ZNF608: variants seen among roughly 807,000 people sequenced by gnomAD.
ZNF608 encodes the protein renal carcinoma antigen NY-REN-36.
In ZNF608, 12 loss-of-function variants were observed where a neutral mutation model predicts 109.0. That is an observed-to-expected ratio of 0.11 (90% CI 0.07 to 0.18). The LOEUF is 0.18. Among genes scored for constraint, ZNF608 ranks in the 10% least tolerant of loss-of-function variants. The pLI is 1.00. For synonymous variants in ZNF608, 732 were observed against 717.4 expected, an observed-to-expected ratio of 1.02 and a Z score of -0.33; for missense variants, 1,707 against 1,879.3, an observed-to-expected ratio of 0.91 and a Z score of 1.70.
chr5:124,652,941 C>T (rs1750856495), intron 3 of ZNF608, among the ~76,000 whole-genome samples: 1 of 152,178 alleles, frequency 6.6e-6, no homozygotes, highest in Non-Finnish European at 1.5e-5. Flanking sequence ...TCTTTTCACG[C>T]ACATTTATTC....
At chr5:124,728,291 C>A (rs1470862702) in intron 2 of ZNF608, among the ~76,000 whole-genome samples, 12 of 152,072 alleles carry the variant, frequency 7.9e-5, no homozygotes, top group Admixed American at 7.9e-4. Flanking sequence ...GAGGGCAAAG[C>A]TCTTGATAAA....
chr5:124,706,954 A>C (rs532742100), intron 2 of ZNF608, among the ~76,000 whole-genome samples: 13 of 152,208 alleles, frequency 8.5e-5, no homozygotes, highest in African/African-American at 2.6e-4. Context: ...AGGGAAGAAA[A>C]GGTTATTTAC....
chr5:124,644,959 C>T (rs938539263), intron 5 of ZNF608, among the ~76,000 whole-genome samples: 1 of 152,188 alleles, frequency 6.6e-6, no homozygotes, highest in South Asian at 2.1e-4. Context: ...GCTTCAAACT[C>T]AGGTCTGCTG....
intron 2 of ZNF608, among the ~76,000 whole-genome samples, chr5:124,729,416 C>T (rs1246003585): frequency 2.1e-4 from 32 of 152,162 alleles, no homozygotes; most frequent in Admixed American, 1.8e-3. Context: ...CCAAGGATAG[C>T]GAGTGGCAGC....
At chr5:124,664,408 T>A (rs1392186391) in intron 3 of ZNF608, among the ~76,000 whole-genome samples, 1 of 152,196 alleles carries the variant, frequency 6.6e-6, no homozygotes, top group Admixed American at 6.5e-5. Flanking sequence ...AATTCAAAAC[T>A]AATAAAATAA....
intron 3 of ZNF608, among the ~76,000 whole-genome samples, chr5:124,661,854 C>A (rs1377217698): frequency 1.2e-4 from 19 of 152,234 alleles, no homozygotes; most frequent in Admixed American, 1.2e-3. Flanking sequence ...TAACTGAAAT[C>A]TAATTCCTCT....
At chr5:124,654,135 G>A (rs1032510724) in intron 3 of ZNF608, among the ~76,000 whole-genome samples, 5 of 151,954 alleles carry the variant, frequency 3.3e-5, no homozygotes, top group Non-Finnish European at 2.9e-5. Flanking sequence ...CTTTCATCCA[G>A]GCAAGGATAA....
intron 3 of ZNF608, among the ~76,000 whole-genome samples, chr5:124,660,102 TC>T (rs1751186155): frequency 6.6e-6 from 1 of 152,098 alleles, no homozygotes; most frequent in Admixed American, 6.6e-5. Flanking sequence ...CTGCTATTAT[TC>T]CATTCACTGA....
At chr5:124,703,689 G>A (rs892305566) in intron 2 of ZNF608, among the ~76,000 whole-genome samples, 1 of 152,126 alleles carries the variant, frequency 6.6e-6, no homozygotes, top group African/African-American at 2.4e-5. Context: ...GAACAACTGA[G>A]CCCAAGAATT....
intron 3 of ZNF608, among the ~76,000 whole-genome samples, chr5:124,667,992 T>C (rs2149810412): frequency 6.6e-6 from 1 of 151,994 alleles, no homozygotes; most frequent in South Asian, 2.1e-4. Flanking sequence ...CATGACAAGG[T>C]ACGTGAATCA....
chr5:124,712,223 G>A (rs2149867824), intron 2 of ZNF608, among the ~76,000 whole-genome samples: 1 of 152,302 alleles, frequency 6.6e-6, no homozygotes, highest in South Asian at 2.1e-4. Context: ...ATAGGGAGGA[G>A]AGATCAGACT....
chr5:124,701,617 C>T (rs1002461315), intron 2 of ZNF608, among the ~76,000 whole-genome samples: 15 of 152,126 alleles, frequency 9.9e-5, no homozygotes, highest in African/African-American at 3.6e-4. Flanking sequence ...AATGAAATCT[C>T]ACTTTAAAAA....
At chr5:124,704,878 G>A (rs1277135293) in intron 2 of ZNF608, among the ~76,000 whole-genome samples, 2 of 152,062 alleles carry the variant, frequency 1.3e-5, no homozygotes, top group Non-Finnish European at 2.9e-5. Context: ...TCTAGTGGCA[G>A]CCTAGGTACA....
chr5:124,716,529 G>C (rs1256615590), intron 2 of ZNF608, among the ~76,000 whole-genome samples: 1 of 152,156 alleles, frequency 6.6e-6, no homozygotes, highest in Non-Finnish European at 1.5e-5. Flanking sequence ...AGGAAGTTGG[G>C]AAATAAACTT....
intron 3 of ZNF608, among the ~76,000 whole-genome samples, chr5:124,679,285 G>A (rs1752089972): frequency 6.6e-6 from 1 of 152,154 alleles, no homozygotes; most frequent in African/African-American, 2.4e-5. Context: ...GAGGGAGCGG[G>A]GACAGAAGTG....
rs758172985 is a variant in ZNF608, at chr5:124,647,934, C to T, written c.2450G>A (p.Arg817Gln). Residue 817 changes from arginine to glutamine, a missense_variant, in exon 5 of 10, where the codon CGA becomes CAA. Physicochemically the swap from Arg to Gln is conservative, Grantham distance 43. Coordinates refer to ENST00000513986, the MANE Select transcript of ZNF608 (RefSeq NM_020747.3). ...SLKDKKKKEK[R>Q]KLKDKEGKET... ...TTTCCCTTCTTTGTCCTTTAGCTTTCGCTTCTCCTTTTTCTTTTTGTCTTT... is the reference window on the plus strand; with the variant it reads ...TTTCCCTTCTTTGTCCTTTAGCTTTTGCTTCTCCTTTTTCTTTTTGTCTTT... 4.3e-6 allele frequency: 7 copies of T among 1,613,964 alleles called. No individual in the cohort carries two copies. Among genetic ancestry groups the T allele is most frequent in the South Asian group, 2.2e-5 (2 of 91,092 alleles).
chr5:124,720,276 G>A (rs570631828), intron 2 of ZNF608, among the ~76,000 whole-genome samples: 2 of 152,322 alleles, frequency 1.3e-5, no homozygotes, highest in African/African-American at 4.8e-5. Flanking sequence ...TACTGTATTA[G>A]AAGCTCACCA....
At chr5:124,689,538 T>G (rs1752533573) in intron 3 of ZNF608, among the ~76,000 whole-genome samples, 1 of 151,166 alleles carries the variant, frequency 6.6e-6, no homozygotes, top group Middle Eastern at 3.5e-3. Context: ...CAAAGACCTT[T>G]TCAAATTCAA....
intron 2 of ZNF608, among the ~76,000 whole-genome samples, chr5:124,743,474 G>A (rs1342351731): frequency 1.3e-5 from 2 of 152,158 alleles, no homozygotes; most frequent in Non-Finnish European, 2.9e-5. Context: ...AACACATCAA[G>A]CTTGGGGTTT....
Sources: gnomAD v4.1 joint callset for allele counts (sites outside exome capture counted in the v4.1 genomes callset) on GRCh38, gnomAD v4.1.1 for gene constraint, MANE v1.5 for transcripts, NCBI Gene and HGNC (gene_info 2026-07-23, HGNC 2026-07-21) for gene names.